Variants in ANKRD36 observed in about 807,000 individuals in gnomAD.
The protein encoded by ANKRD36 is ankyrin repeat domain 36, also known as ankyrin repeat domain-containing protein 36A.
In ANKRD36, 179 loss-of-function variants were observed where a neutral mutation model predicts 278.1. That is an observed-to-expected ratio of 0.64 (90% CI 0.57 to 0.73). ANKRD36 has a LOEUF of 0.73. ANKRD36 is among the 30% of genes least tolerant of loss of function. ANKRD36 has a pLI of 0.00. For missense variants in ANKRD36, 1,159 were observed against 1,956.7 expected, an observed-to-expected ratio of 0.59 and a Z score of 7.69; for synonymous variants, 320 against 641.1, an observed-to-expected ratio of 0.50 and a Z score of 7.57.
chr2:97,186,469 A>G (rs2057434368), intron 30 of ANKRD36, among the ~76,000 whole-genome samples: 1 of 150,650 alleles, frequency 6.6e-6, no homozygotes, highest in Admixed American at 6.7e-5. Context: ...TTTATTTAGT[A>G]GAAGTATGTC....
Position 97,117,964 on chromosome 2 carries a change from T to C in ANKRD36, c.198-100T>C, listed in dbSNP as rs1034653313. On this transcript the variant is annotated intron_variant, in intron 1 of 75. Transcript: ENST00000420699. ...ATAAGCGCTAACAAATGTTGTACTT[T>C]CTTCACAAGAAAATTACATATTTGT... is the stretch of plus-strand genomic sequence containing the variant. The C allele has an allele frequency of 3.4e-6, 5 of 1,467,956 alleles. No homozygotes were observed. The African/African-American group carries it at 7.2e-5, about 21-fold the overall frequency. 90.9% of individuals were successfully genotyped at this position (1,467,956 alleles called of 1,614,324 possible).
chr2:97,213,355 G>T (rs1377859578), intron 58 of ANKRD36, 64 bp from the exon 59 acceptor site: 5 of 430,294 alleles, frequency 1.2e-5, no homozygotes, highest in East Asian at 5.1e-5. Context: ...CAACAGTGCA[G>T]GAATGTATGG....
At chr2:97,186,467 G>C (rs947138570) in intron 30 of ANKRD36, among the ~76,000 whole-genome samples, 2 of 150,238 alleles carry the variant, frequency 1.3e-5, no homozygotes, top group Non-Finnish European at 3.0e-5. Context: ...GTTTTATTTA[G>C]TAGAAGTATG....
At chr2:97,123,123 A>G (rs2037366633) in intron 4 of ANKRD36, 130 bp downstream of exon 4, 1 of 736,000 alleles carries the variant, frequency 1.4e-6, no homozygotes, top group Non-Finnish European at 2.1e-6. Flanking sequence ...ATAGTGAGAA[A>G]TAACACAGAT....
intron 20 of ANKRD36, among the ~76,000 whole-genome samples, chr2:97,166,768 G>A (rs370292524): frequency 6.6e-6 from 1 of 151,974 alleles, no homozygotes; most frequent in East Asian, 1.9e-4. Flanking sequence ...GGGTCACACA[G>A]CAACAATAGG....
chr2:97,237,896 T>G (rs1054143924), intron 68 of ANKRD36, among the ~76,000 whole-genome samples: 5 of 151,384 alleles, frequency 3.3e-5, no homozygotes, highest in African/African-American at 1.2e-4. Context: ...TTGTATTAAT[T>G]TCTTCCAGAA....
Position 97,127,111 on chromosome 2 carries a change from A to T in ANKRD36, c.776A>T (p.Asp259Val). ...GAATACGAAAGAAAGAGATATGAAG[A>T]TCTTCCTATAAATAGCAATCCAGGT... ...IYEYERKRYE[D>V]LPINSNPVSS... Residue 259 changes from aspartate (D) to valine (V), a missense_variant, in exon 6 of 76, where the codon GAT becomes GTT. By Grantham distance (152) the Asp-to-Val change is radical (BLOSUM62 -3). Coordinates refer to ENST00000420699, the MANE Select transcript of ANKRD36 (RefSeq NM_001354587.1). 3.0e-6 allele frequency: 4 copies of T among 1,311,580 alleles called. No individual in the cohort carries two copies. The highest frequency in any genetic ancestry group is 4.2e-6 in the Non-Finnish European group (4 of 962,728). The allele number at this position is 1,311,580 out of a possible 1,614,324, so 81.2% of individuals were successfully genotyped here. A position where few individuals can be genotyped will look rare whatever the true frequency, so the allele number is the denominator to read the frequency against.
intron 4 of ANKRD36, among the ~76,000 whole-genome samples, 179 bp from the exon 5 acceptor site, chr2:97,124,281 G>A (rs546621089): frequency 6.6e-6 from 1 of 151,830 alleles, no homozygotes; most frequent in Non-Finnish European, 1.5e-5. Flanking sequence ...TTTGTTCCTT[G>A]CTTTTAACCT....
intron 5 of ANKRD36, 31 bp downstream of exon 5, chr2:97,124,628 A>G (rs2038020759): frequency 1.3e-6 from 2 of 1,532,556 alleles, no homozygotes; most frequent in Middle Eastern, 1.7e-4. Context: ...GCTAGTGAAC[A>G]CTAAATTGAA....
Position 97,194,747 on chromosome 2 carries a change from C to T in ANKRD36, c.2471C>T (p.Ala824Val). The T allele has an allele frequency of 6.2e-7, 1 of 1,604,606 alleles. No individual in the cohort carries two copies. Among genetic ancestry groups the T allele is most frequent in the South Asian group, 1.1e-5 (1 of 90,594 alleles). ...SRTVSSRKKP[A>V]LKATSDEKDS... ...TCAGTGTCTTCTCGGAAAAAACCAG[C>T]CTTGAAGGTAATGAAACTCTCATTC... Residue 824 changes from alanine to valine, a missense_variant, in exon 39 of 76, where the codon GCC becomes GTC. Ala to Val is a moderately conservative substitution (Grantham distance 64). Transcript: ENST00000420699.
intron 20 of ANKRD36, among the ~76,000 whole-genome samples, chr2:97,165,460 A>G (rs1460146118): frequency 6.6e-6 from 1 of 152,156 alleles, no homozygotes; most frequent in Non-Finnish European, 1.5e-5. Flanking sequence ...GATTTGTACT[A>G]TAAAGAAATT....
chr2:97,220,500 T>A (rs1474171667), intron 66 of ANKRD36, among the ~76,000 whole-genome samples: 1 of 151,384 alleles, frequency 6.6e-6, no homozygotes, highest in Non-Finnish European at 1.5e-5. Context: ...AGCCTTCCTT[T>A]CTTTGCCTGG....
chr2:97,202,388 G>A lies in ANKRD36; in HGVS notation c.2954G>A (p.Arg985Lys). 6.5e-7 allele frequency: 1 copy of A among 1,550,112 alleles called. No homozygotes were observed. Among genetic ancestry groups the A allele is most frequent in the Non-Finnish European group, 8.7e-7 (1 of 1,149,664 alleles). ...GAAAACAAGGATGGAGAAAAATCTA[G>A]GACAGGTAATTTTGAAAACAGATTT... ...ARENKDGEKSRTVSSEKPPGL... is the reference protein window; with the variant it reads ...ARENKDGEKSKTVSSEKPPGL... Residue 985 changes from arginine to lysine, a missense_variant, in exon 48 of 76, where the codon AGG becomes AAG. Arg to Lys is a conservative substitution (Grantham distance 26). Transcript: ENST00000420699.
intron 26 of ANKRD36, among the ~76,000 whole-genome samples, chr2:97,182,466 G>T (rs1165232317): frequency 6.8e-6 from 1 of 148,056 alleles, no homozygotes; most frequent in Non-Finnish European, 1.5e-5. Flanking sequence ...TATACGTTTT[G>T]TTGATATTAG....
intron 51 of ANKRD36, 34 bp from the exon 52 acceptor site, chr2:97,206,025 CTTTA>C (rs1234296193): frequency 2.6e-6 from 4 of 1,542,206 alleles, no homozygotes; most frequent in African/African-American, 2.8e-5. Context: ...ATGAAACATA[CTTTA>C]TTTATTTATT....
At chr2:97,208,195 A>AT (rs2063388263) in intron 54 of ANKRD36, among the ~76,000 whole-genome samples, 189 bp downstream of exon 54, 1 of 146,482 alleles carries the variant, frequency 6.8e-6, no homozygotes, top group South Asian at 2.1e-4. Flanking sequence ...TCGCAGTAAG[A>AT]TTATACACTT....
Position 97,190,268 on chromosome 2 carries a change from A to G in ANKRD36, c.2246-710A>G, listed in dbSNP as rs1228590270. Among the ~76,000 whole-genome samples, 3 of 94,110 alleles carry G rather than the reference A, an allele frequency of 3.2e-5. 1 individual carries two copies. Among genetic ancestry groups the G allele is most frequent in the African/African-American group, 7.7e-5 (3 of 39,018 alleles). 61.7% of individuals were successfully genotyped at this position (94,110 alleles called of 152,430 possible). On this transcript the variant is annotated intron_variant, in intron 34 of 75. Coordinates refer to ENST00000420699, the MANE Select transcript of ANKRD36 (RefSeq NM_001354587.1). ...TTTTACTTTGTAGAAGTATGTCAAAATTGATAATTGATGATATTTTTATTG... is the reference window on the plus strand; with the variant it reads ...TTTTACTTTGTAGAAGTATGTCAAAGTTGATAATTGATGATATTTTTATTG...
At chr2:97,155,354 T>G (rs1488914986) in intron 15 of ANKRD36, among the ~76,000 whole-genome samples, 2 of 145,002 alleles carry the variant, frequency 1.4e-5, no homozygotes, top group African/African-American at 4.9e-5. Flanking sequence ...GTGCCTGTAG[T>G]CCCACCTACT....
chr2:97,162,053 T>C (rs6750709), intron 17 of ANKRD36, 46 bp from the exon 18 acceptor site: 122,710 of 1,372,738 alleles, frequency 0.089, 46 homozygotes, highest in African/African-American at 0.27. Flanking sequence ...ACTGATTGAG[T>C]AGTAAATATA....
Sources: gnomAD v4.1 joint callset for allele counts (sites outside exome capture counted in the v4.1 genomes callset) on GRCh38, gnomAD v4.1.1 for gene constraint, MANE v1.5 for transcripts, NCBI Gene and HGNC (gene_info 2026-07-23, HGNC 2026-07-21) for gene names.